The following ARL13B variants were observed in gnomAD, a reference collection of about 807,000 sequenced individuals.
The protein encoded by ARL13B is ADP-ribosylation factor-like protein 13B.
ARL13B carries 36 observed loss-of-function variants against 56.1 expected under a neutral mutation model. That is an observed-to-expected ratio of 0.64 (90% CI 0.49 to 0.85). The LOEUF (loss-of-function observed/expected upper bound fraction) is 0.85. Ranked by LOEUF, ARL13B falls within the 40% of genes least tolerant of loss-of-function variation. The probability of loss-of-function intolerance (pLI) is 0.00; values close to 1 mark genes in which losing one functional copy is unlikely to be tolerated. For synonymous variants in ARL13B, 178 were observed against 171.1 expected, an observed-to-expected ratio of 1.04 and a Z score of -0.32; for missense variants, 519 against 507.1, an observed-to-expected ratio of 1.02 and a Z score of -0.23.
intron 3 of ARL13B, among the ~76,000 whole-genome samples, chr3:94,034,355 CTG>C (rs2076731128): frequency 6.6e-6 from 1 of 151,788 alleles, no homozygotes; most frequent in Admixed American, 6.6e-5. Context: ...CCTAAAGAGT[CTG>C]TCAAACTTTG....
chr3:93,994,141 A>C (rs951767541), intron 1 of ARL13B, among the ~76,000 whole-genome samples: 7 of 152,176 alleles, frequency 4.6e-5, no homozygotes, highest in African/African-American at 1.7e-4. Context: ...ATGGTCTAAC[A>C]TGAACTGGTC....
intron 3 of ARL13B, among the ~76,000 whole-genome samples, chr3:94,029,359 T>A (rs1456740784): frequency 1.5e-5 from 2 of 137,542 alleles, no homozygotes; most frequent in Non-Finnish European, 3.1e-5. Flanking sequence ...ATTTTTTTTT[T>A]TTTTTGAGAA....
chr3:94,038,648 C>T (rs1384945236), intron 5 of ARL13B, among the ~76,000 whole-genome samples: 2 of 151,356 alleles, frequency 1.3e-5, no homozygotes, highest in East Asian at 1.9e-4. Flanking sequence ...CTCAGCCTCC[C>T]GAGTAATGGG....
chr3:94,009,119 AGAT>A (rs1271576429), intron 3 of ARL13B, among the ~76,000 whole-genome samples: 22 of 150,158 alleles, frequency 1.5e-4, no homozygotes, highest in African/African-American at 5.1e-4. Flanking sequence ...ATAGATAGAT[AGAT>A]ATTCTTGACC....
At position 94,044,636 on chromosome 3, in the gene ARL13B, G is replaced by A. The variant is rs565951689; in HGVS notation, c.1024+1396G>A. Among the ~76,000 whole-genome samples the A allele has an allele frequency of 4.2e-3, 586 of 141,024 alleles. 6 individuals are homozygous for A. The highest frequency in any genetic ancestry group is 0.015 in the African/African-American group (559 of 37,124). 92.5% of individuals were successfully genotyped at this position (141,024 alleles called of 152,430 possible). A position where few individuals can be genotyped will look rare whatever the true frequency, so the allele number is the denominator to read the frequency against. ...CCACCCTGTCTGGGAAGTGGGGAGC[G>A]CCTCTGCCCGGCTGCCCCATCGGGT... is the stretch of plus-strand genomic sequence containing the variant. On this transcript the variant is annotated intron_variant, in intron 7 of 9. Coordinates refer to ENST00000394222, the MANE Select transcript of ARL13B (RefSeq NM_001174150.2).
At chr3:94,019,548 CCTT>C (rs1274479575) in intron 3 of ARL13B, among the ~76,000 whole-genome samples, 1 of 152,074 alleles carries the variant, frequency 6.6e-6, no homozygotes, top group Non-Finnish European at 1.5e-5. Context: ...TAAGTGTTCT[CCTT>C]GTTTCCTTTT....
At position 93,980,227 on chromosome 3, in the gene ARL13B, A is replaced by G. The variant is rs548178578; in HGVS notation, c.-197A>G. 19 of 723,836 alleles carry G rather than the reference A, an allele frequency of 2.6e-5. No homozygotes were observed. The East Asian group carries it at 4.8e-4, about 18-fold the overall frequency. The allele number at this position is 723,836 out of a possible 1,614,324, so 44.8% of individuals were successfully genotyped here. A position where few individuals can be genotyped will look rare whatever the true frequency, so the allele number is the denominator to read the frequency against. On this transcript the variant is annotated 5_prime_UTR_variant, in exon 1 of 10. Coordinates refer to ENST00000394222, the MANE Select transcript of ARL13B (RefSeq NM_001174150.2). The stretch of plus-strand genomic sequence containing the variant: ...TCTTTGGTCAGGTTGTTCCTTGGCT[A>G]AGAGGGCAGTCGTCGCGGACCCACG...
intron 1 of ARL13B, among the ~76,000 whole-genome samples, chr3:93,989,762 C>CT (rs933786711): frequency 2.0e-5 from 3 of 152,048 alleles, no homozygotes; most frequent in African/African-American, 7.3e-5. Flanking sequence ...ACTCAGGTCT[C>CT]TAACACCAAA....
chr3:94,012,765 T>C (rs1454819611), intron 3 of ARL13B, among the ~76,000 whole-genome samples: 2 of 152,150 alleles, frequency 1.3e-5, no homozygotes, highest in Admixed American at 6.5e-5. Context: ...TCCATCCTAG[T>C]CCAAGCCACC....
intron 1 of ARL13B, among the ~76,000 whole-genome samples, chr3:93,984,724 A>T (rs1192733952): frequency 6.6e-6 from 1 of 152,202 alleles, no homozygotes; most frequent in African/African-American, 2.4e-5. Context: ...TAAACATTTA[A>T]AATGTTTGAA....
chr3:93,990,177 T>A (rs1371902610), intron 1 of ARL13B, among the ~76,000 whole-genome samples: 4 of 152,050 alleles, frequency 2.6e-5, no homozygotes, highest in African/African-American at 9.7e-5. Flanking sequence ...GCTAATTTTT[T>A]TTGTATTTTT....
chr3:94,012,655 TTATC>T (rs375462364), intron 3 of ARL13B, among the ~76,000 whole-genome samples: 17 of 152,130 alleles, frequency 1.1e-4, no homozygotes, highest in African/African-American at 3.9e-4. Flanking sequence ...ACTTCATACT[TTATC>T]TACTCTGAAA....
At chr3:94,002,942 C>G (rs1467899664) in intron 2 of ARL13B, among the ~76,000 whole-genome samples, 1 of 152,132 alleles carries the variant, frequency 6.6e-6, no homozygotes, top group Admixed American at 6.6e-5. Flanking sequence ...TAAATTCTAT[C>G]TCTCCAATGA....
At chr3:93,998,956 G>C (rs1257510608) in intron 2 of ARL13B, among the ~76,000 whole-genome samples, 1 of 148,260 alleles carries the variant, frequency 6.7e-6, no homozygotes, top group Non-Finnish European at 1.5e-5. Flanking sequence ...GTGTGAAATT[G>C]AGAAAAAGTT....
At chr3:94,000,802 G>A (rs1196698036) in intron 2 of ARL13B, among the ~76,000 whole-genome samples, 2 of 152,124 alleles carry the variant, frequency 1.3e-5, no homozygotes, top group African/African-American at 4.8e-5. Context: ...GGACTTTCTA[G>A]AGATGATGTC....
intron 3 of ARL13B, among the ~76,000 whole-genome samples, chr3:94,010,263 TC>T (rs1034579870): frequency 2.0e-5 from 3 of 152,138 alleles, no homozygotes; most frequent in Non-Finnish European, 4.4e-5. Context: ...TTAAAGCCTC[TC>T]AAGCCTGTAG....
At chr3:93,995,057 A>G (rs1036437480) in intron 1 of ARL13B, among the ~76,000 whole-genome samples, 17 of 152,198 alleles carry the variant, frequency 1.1e-4, no homozygotes, top group African/African-American at 2.9e-4. Context: ...CCATGGTGGT[A>G]ATGGACTGTC....
intron 3 of ARL13B, among the ~76,000 whole-genome samples, chr3:94,006,602 A>G (rs1368784058): frequency 2.6e-5 from 4 of 152,036 alleles, no homozygotes; most frequent in Non-Finnish European, 5.9e-5. Context: ...TCTCCTCTAC[A>G]CTGCCAGCAG....
At chr3:94,012,548 C>T (rs979268900) in intron 3 of ARL13B, among the ~76,000 whole-genome samples, 4 of 152,246 alleles carry the variant, frequency 2.6e-5, no homozygotes, top group East Asian at 1.9e-4. Flanking sequence ...GGGTTCATAT[C>T]CCAATTCACT....
Sources: allele counts gnomAD v4.1 joint callset (sites outside exome capture counted in the v4.1 genomes callset), GRCh38; gene constraint gnomAD v4.1.1; transcripts MANE v1.5; gene names NCBI Gene and HGNC (gene_info 2026-07-23, HGNC 2026-07-21).